The following BACH1 variants were observed in gnomAD, a reference collection of about 807,000 sequenced individuals.
BACH1 encodes the protein transcription regulator protein BACH1.
BACH1 carries 35 observed loss-of-function variants against 52.9 expected under a neutral mutation model. That is an observed-to-expected ratio of 0.66 (90% CI 0.51 to 0.88). The LOEUF (loss-of-function observed/expected upper bound fraction) is 0.88, where lower values mean the gene tolerates loss of function less well. BACH1 is among the 40% of genes least tolerant of loss of function. The probability of loss-of-function intolerance (pLI) is 0.00; values close to 1 mark genes in which losing one functional copy is unlikely to be tolerated. For synonymous variants in BACH1, 321 were observed against 319.6 expected (o/e 1.00, Z -0.05); for missense variants, 808 against 872.6 (o/e 0.93, Z 0.93).
chr21:29,300,326 TC>T (rs2123395579), intron 1 of BACH1, among the ~76,000 whole-genome samples: 1 of 152,302 alleles, frequency 6.6e-6, no homozygotes, highest in East Asian at 1.9e-4. Flanking sequence ...GCTGAGTCAT[TC>T]GCCCCAGCTT....
intron 1 of BACH1, among the ~76,000 whole-genome samples, chr21:29,307,417 G>C (rs1857373140): frequency 6.6e-6 from 1 of 152,136 alleles, no homozygotes; most frequent in African/African-American, 2.4e-5. Flanking sequence ...TTGTGTGTGT[G>C]TGTGTGTGTG....
chr21:29,301,225 A>G (rs770061384), intron 1 of BACH1, among the ~76,000 whole-genome samples: 1 of 152,182 alleles, frequency 6.6e-6, no homozygotes, highest in Non-Finnish European at 1.5e-5. Flanking sequence ...GTGGGGTGCA[A>G]GGAGGTTCAT....
Position 29,326,995 on chromosome 21 carries a change from C to T in BACH1, c.1171C>T (p.Arg391Ter), listed in dbSNP as rs2088921014. 6.2e-7 allele frequency: 1 copy of T among 1,614,102 alleles called. No homozygotes were observed. The highest frequency in any genetic ancestry group is 8.5e-7 in the Non-Finnish European group (1 of 1,180,024). ...ATCTAGTGATAGGAGTAGTGTGGAG[C>T]GAGAAGTGGCAGAACACCTAGCAAA... is the stretch of plus-strand genomic sequence containing the variant. ...VASSDRSSVE[R>*]EVAEHLAKGF... Residue 391 changes from arginine to a stop codon, truncating the protein, a stop_gained, in exon 3 of 5, where the codon CGA becomes TGA. Coordinates refer to ENST00000286800, the MANE Select transcript of BACH1 (RefSeq NM_001186.4). LOFTEE classifies it high-confidence loss of function.
chr21:29,312,868 G>A (rs151292152), intron 1 of BACH1, among the ~76,000 whole-genome samples: 15 of 152,256 alleles, frequency 9.9e-5, no homozygotes, highest in African/African-American at 1.9e-4. Context: ...TTCCTAATCA[G>A]AATTCAACTA....
chr21:29,325,951 T>G (rs2088905398), intron 2 of BACH1, 108 bp from the exon 3 acceptor site: 3 of 1,103,542 alleles, frequency 2.7e-6, no homozygotes, highest in Non-Finnish European at 2.5e-6. Context: ...TATTTTATAA[T>G]TATCACAAAT....
chr21:29,328,602 G>A (rs1347651131), intron 3 of BACH1, among the ~76,000 whole-genome samples: 5 of 151,878 alleles, frequency 3.3e-5, no homozygotes, highest in Non-Finnish European at 4.4e-5. Flanking sequence ...TTAAGTGTAC[G>A]ATACAGTATT....
intron 3 of BACH1, 128 bp from the exon 4 acceptor site, chr21:29,329,359 A>G (rs1008958330): frequency 3.1e-6 from 2 of 643,266 alleles, no homozygotes; most frequent in African/African-American, 1.9e-5. Flanking sequence ...AAATTGGGAT[A>G]GAGGCCTATG....
chr21:29,309,411 T>C (rs1163988508), intron 1 of BACH1, among the ~76,000 whole-genome samples: 1 of 152,214 alleles, frequency 6.6e-6, no homozygotes, highest in Non-Finnish European at 1.5e-5. Context: ...TGTTCTTCCA[T>C]CCCTCCTCAG....
chr21:29,333,010 C>G (rs959829327), intron 4 of BACH1, among the ~76,000 whole-genome samples: 1 of 152,214 alleles, frequency 6.6e-6, no homozygotes, highest in Non-Finnish European at 1.5e-5. Flanking sequence ...TCCTTGAAGT[C>G]TCTACTCAGT....
At chr21:29,301,675 TA>T (rs2088605315) in intron 1 of BACH1, among the ~76,000 whole-genome samples, 1 of 152,204 alleles carries the variant, frequency 6.6e-6, no homozygotes, top group Non-Finnish European at 1.5e-5. Flanking sequence ...CAGTGATGTG[TA>T]AAAGGGTGCA....
At chr21:29,311,302 A>G (rs1038798722) in intron 1 of BACH1, among the ~76,000 whole-genome samples, 3 of 152,224 alleles carry the variant, frequency 2.0e-5, no homozygotes, top group African/African-American at 2.4e-5. Context: ...AAAAAGTTAT[A>G]TTAATACTTG....
Position 29,321,425 on chromosome 21 carries a change from C to T in BACH1, c.145C>T (p.Arg49Trp), listed in dbSNP as rs111659090. The T allele has an allele frequency of 6.8e-6, 11 of 1,614,206 alleles. No homozygotes were observed. Among genetic ancestry groups the T allele is most frequent in the Middle Eastern group, 1.6e-4 (1 of 6,062 alleles). ...FVEGQRFRAH[R>W]SVLAACSSYF... ...GGAGGGACAGCGGTTCCGCGCTCAC[C>T]GGTCCGTGCTGGCGGCATGCAGCAG... The change falls in exon 2 of 5, where the codon CGG becomes TGG. Residue 49 changes from arginine (R) to tryptophan (W), a missense_variant. Arg to Trp is a moderately radical substitution (Grantham distance 101). Transcript: ENST00000286800.
At chr21:29,349,938 A>G (rs1480342686), downstream of BACH1, among the ~76,000 whole-genome samples, 3 of 152,142 alleles carry the variant, frequency 2.0e-5, no homozygotes, top group African/African-American at 7.2e-5. Flanking sequence ...GAGGCGCTCC[A>G]TATCTCTTCT....
intron 1 of BACH1, among the ~76,000 whole-genome samples, chr21:29,309,836 A>G (rs1477103832): frequency 6.6e-6 from 1 of 152,174 alleles, no homozygotes; most frequent in Non-Finnish European, 1.5e-5. Context: ...GTTGTCCCTA[A>G]TAATTCTGTG....
intron 1 of BACH1, among the ~76,000 whole-genome samples, chr21:29,317,727 T>TA (rs1156784420): frequency 6.6e-6 from 1 of 152,162 alleles, no homozygotes; most frequent in Non-Finnish European, 1.5e-5. Context: ...GCTTTAGGGG[T>TA]ATAAGGCTTT....
downstream of BACH1, among the ~76,000 whole-genome samples, chr21:29,348,119 A>G (rs1292232288): frequency 6.6e-6 from 1 of 152,164 alleles, no homozygotes; most frequent in Non-Finnish European, 1.5e-5. Flanking sequence ...AAATCCCAAG[A>G]CTATCCTGCC....
intron 4 of BACH1, among the ~76,000 whole-genome samples, chr21:29,339,185 G>T (rs1355604225): frequency 9.2e-5 from 14 of 152,138 alleles, no homozygotes; most frequent in Non-Finnish European, 1.9e-4. Flanking sequence ...AATTTTATTA[G>T]ATATTAACAG....
intron 2 of BACH1, among the ~76,000 whole-genome samples, chr21:29,325,225 G>A (rs534966020): frequency 3.8e-4 from 57 of 151,766 alleles, no homozygotes; most frequent in Admixed American, 1.0e-3. Context: ...GCGAGACTCC[G>A]TCTTAGAAAA....
chr21:29,331,047 G>C (rs1484310541), intron 4 of BACH1, among the ~76,000 whole-genome samples: 3 of 151,628 alleles, frequency 2.0e-5, no homozygotes, highest in Non-Finnish European at 2.9e-5. Context: ...CAATTCTATA[G>C]TACTTAGTAC....
Sources: allele counts gnomAD v4.1 joint callset (sites outside exome capture counted in the v4.1 genomes callset), GRCh38; gene constraint gnomAD v4.1.1; transcripts MANE v1.5; gene names NCBI Gene and HGNC (gene_info 2026-07-23, HGNC 2026-07-21).